SSBP3: variants seen among roughly 807,000 people sequenced by gnomAD.
SSBP3 encodes the protein single stranded DNA binding protein 3, also known as single-stranded DNA-binding protein 3.
A neutral mutation model predicts 69.6 loss-of-function variants in SSBP3; 5 were observed. The observed-to-expected ratio is 0.07, with a 90% confidence interval of 0.04 to 0.15. The LOEUF (loss-of-function observed/expected upper bound fraction) is 0.15. Ranked by LOEUF, SSBP3 falls within the 10% of genes least tolerant of loss-of-function variation. The pLI, the probability that SSBP3 is intolerant of heterozygous loss-of-function variation, is 1.00. For missense variants in SSBP3, 312 were observed against 534.0 expected, an observed-to-expected ratio of 0.58 and a Z score of 4.10; for synonymous variants, 196 against 193.4, an observed-to-expected ratio of 1.01 and a Z score of -0.11.
intron 4 of SSBP3, among the ~76,000 whole-genome samples, chr1:54,389,649 G>A (rs1389654950): frequency 2.6e-5 from 4 of 152,144 alleles, no homozygotes; most frequent in African/African-American, 9.7e-5. Context: ...CTTGAGGCCA[G>A]GAGTTTGAGA....
chr1:54,384,394 G>C (rs1012460647), intron 4 of SSBP3, among the ~76,000 whole-genome samples: 5 of 152,216 alleles, frequency 3.3e-5, no homozygotes, highest in African/African-American at 1.2e-4. Flanking sequence ...ACTGCACAGA[G>C]GGGCCCTGGG....
chr1:54,231,020 G>T (rs955545269), intron 14 of SSBP3, among the ~76,000 whole-genome samples: 1 of 152,136 alleles, frequency 6.6e-6, no homozygotes, highest in South Asian at 2.1e-4. Context: ...ATTTCTCTTG[G>T]GCAGATACCT....
intron 4 of SSBP3, 89 bp from the exon 5 acceptor site, chr1:54,281,616 G>C (rs1645394206): frequency 8.3e-7 from 1 of 1,208,310 alleles, no homozygotes; most frequent in Non-Finnish European, 1.2e-6. Flanking sequence ...CTCCCTGTCC[G>C]TCCACATTCC....
chr1:54,257,539 A>AATGAAAG (rs1644943835), intron 6 of SSBP3, among the ~76,000 whole-genome samples: 2 of 152,180 alleles, frequency 1.3e-5, no homozygotes, highest in Non-Finnish European at 2.9e-5. Context: ...AAGGACTGAT[A>AATGAAAG]CGTAACATCT....
chr1:54,373,251 C>T (rs151086763), intron 4 of SSBP3, among the ~76,000 whole-genome samples: 113 of 152,284 alleles, frequency 7.4e-4, no homozygotes, highest in African/African-American at 2.5e-3. Context: ...CCACCACTGA[C>T]GGCTGAAGGG....
chr1:54,311,997 T>A (rs1443127286), intron 4 of SSBP3, among the ~76,000 whole-genome samples: 1 of 152,110 alleles, frequency 6.6e-6, no homozygotes, highest in Admixed American at 6.5e-5. Flanking sequence ...ACCGGCTGAT[T>A]TGCCTCCACA....
At chr1:54,275,096 C>T (rs954864499) in intron 5 of SSBP3, among the ~76,000 whole-genome samples, 8 of 152,204 alleles carry the variant, frequency 5.3e-5, no homozygotes, top group African/African-American at 1.7e-4. Flanking sequence ...GCCCCCTCCA[C>T]CAGACTATGA....
intron 4 of SSBP3, among the ~76,000 whole-genome samples, chr1:54,316,455 A>C (rs965772217): frequency 3.4e-5 from 5 of 147,924 alleles, no homozygotes; most frequent in Admixed American, 2.0e-4. Context: ...CTGGCTAACA[A>C]GGTGAAACCC....
At chr1:54,301,812 G>A (rs575796087) in intron 4 of SSBP3, among the ~76,000 whole-genome samples, 1 of 152,060 alleles carries the variant, frequency 6.6e-6, no homozygotes, top group African/African-American at 2.4e-5. Flanking sequence ...CAATTACAAA[G>A]GGTGACCCAG....
At chr1:54,354,547 G>A in intron 4 of SSBP3, among the ~76,000 whole-genome samples, 1 of 152,064 alleles carries the variant, frequency 6.6e-6, no homozygotes, top group African/African-American at 2.4e-5. Context: ...TCTAACGTGG[G>A]AGCAAGGAAC....
chr1:54,242,219 G>A lies in SSBP3; in HGVS notation c.717-7C>T. On this transcript the variant is annotated splice_polypyrimidine_tract_variant and splice_region_variant and intron_variant, in intron 10 of 17. Transcript: ENST00000610401. ...TCTGCCAGCTCCCGGGCCCCTGAGAGAGGGAGAAAGAGATGTGGACAATGA... is the reference window on the plus strand; with the variant it reads ...TCTGCCAGCTCCCGGGCCCCTGAGAAAGGGAGAAAGAGATGTGGACAATGA... 1.2e-6 allele frequency: 2 copies of A among 1,613,866 alleles called. No individual in the cohort carries two copies. The highest frequency in any genetic ancestry group is 1.7e-6 in the Non-Finnish European group (2 of 1,179,958).
intron 4 of SSBP3, among the ~76,000 whole-genome samples, chr1:54,288,082 T>C (rs746403417): frequency 6.6e-6 from 1 of 152,110 alleles, no homozygotes; most frequent in East Asian, 1.9e-4. Flanking sequence ...ACAAAAAGCT[T>C]CTTGGCTGCC....
At chr1:54,269,873 G>A (rs3766424) in intron 5 of SSBP3, among the ~76,000 whole-genome samples, 60,786 of 152,130 alleles carry the variant, frequency 0.4, 12,472 homozygotes, top group South Asian at 0.48. Context: ...GGTAGGAAGA[G>A]CACCTGACAG....
At chr1:54,281,010 G>A (rs925298272) in intron 5 of SSBP3, among the ~76,000 whole-genome samples, 1 of 152,162 alleles carries the variant, frequency 6.6e-6, no homozygotes, top group African/African-American at 2.4e-5. Flanking sequence ...CCTAAGGTTT[G>A]TCATTTGGAC....
At chr1:54,392,031 C>T (rs191297882) in intron 4 of SSBP3, among the ~76,000 whole-genome samples, 5 of 152,274 alleles carry the variant, frequency 3.3e-5, no homozygotes, top group Admixed American at 2.0e-4. Flanking sequence ...CCTCTCCTCC[C>T]GCGCCCACTC....
At chr1:54,319,938 AC>A (rs1304519712) in intron 4 of SSBP3, among the ~76,000 whole-genome samples, 1 of 152,144 alleles carries the variant, frequency 6.6e-6, no homozygotes, top group Non-Finnish European at 1.5e-5. Flanking sequence ...CACTGTCTAG[AC>A]AGACTTCACG....
chr1:54,389,248 A>G (rs750427042), intron 4 of SSBP3, among the ~76,000 whole-genome samples: 23 of 152,218 alleles, frequency 1.5e-4, no homozygotes, highest in Non-Finnish European at 2.8e-4. Context: ...CTTTGTAAAT[A>G]AAATATTTTC....
At chr1:54,368,296 AAAAAAAAAAAAAG>A (rs1290384130) in intron 4 of SSBP3, among the ~76,000 whole-genome samples, 1 of 151,626 alleles carries the variant, frequency 6.6e-6, no homozygotes, top group Non-Finnish European at 1.5e-5. Flanking sequence ...CTCAAAAAAA[AAAAAAAAAAAAAG>A]AAAACCTTAA....
chr1:54,331,652 G>A (rs148195973), intron 4 of SSBP3, among the ~76,000 whole-genome samples: 13 of 152,260 alleles, frequency 8.5e-5, no homozygotes, highest in African/African-American at 2.9e-4. Flanking sequence ...CCTGCAACAC[G>A]CTGGTCAGCT....
Sources: allele counts gnomAD v4.1 joint callset (sites outside exome capture counted in the v4.1 genomes callset), GRCh38; gene constraint gnomAD v4.1.1; transcripts MANE v1.5; gene names NCBI Gene and HGNC (gene_info 2026-07-23, HGNC 2026-07-21).